The following TMEM213 variants were observed in gnomAD, a reference collection of about 807,000 sequenced individuals.
TMEM213 encodes transmembrane protein 213.
TMEM213 carries 7 observed loss-of-function variants against 11.6 expected under a neutral mutation model. The ratio of observed to expected loss-of-function variants is 0.60; its 90% CI spans 0.34 to 1.13. TMEM213 has a LOEUF of 1.13. Ranked by LOEUF, TMEM213 falls within the 50% of genes most tolerant of loss-of-function variation. TMEM213 has a pLI of 0.03. For missense variants in TMEM213, 129 were observed against 139.0 expected, an observed-to-expected ratio of 0.93 and a Z score of 0.36; for synonymous variants, 60 against 58.3, an observed-to-expected ratio of 1.03 and a Z score of -0.13.
rs1304761365 is a variant in TMEM213, at chr7:138,803,866, G to A, written c.*797G>A. 6.6e-6 allele frequency: 1 copy of A among 152,164 alleles called. No homozygotes were observed. The highest frequency in any genetic ancestry group is 1.5e-5 in the Non-Finnish European group (1 of 68,094). The allele number at this position is 152,164 out of a possible 1,614,324, so 9.4% of individuals were successfully genotyped here. Reference sequence around the variant, plus strand: ...CCAGCACTTTGAGAGACTGAGACAGGAGGATCACTTTAGCCCAGGAATTCG... The same window carrying A: ...CCAGCACTTTGAGAGACTGAGACAGAAGGATCACTTTAGCCCAGGAATTCG... On this transcript the variant is annotated 3_prime_UTR_variant, in exon 3 of 3. Coordinates refer to ENST00000442682, the MANE Select transcript of TMEM213 (RefSeq NM_001085429.2).
intron 1 of TMEM213, among the ~76,000 whole-genome samples, chr7:138,800,706 T>TC (rs762219386): frequency 0.27 from 14,483 of 53,846 alleles, 723 homozygotes; most frequent in Non-Finnish European, 0.28. Flanking sequence ...TTCTTCTTCT[T>TC]TTTTTTTTTT....
In TMEM213 at chr7:138,805,910, C is replaced by A. The variant is rs1275610355; in HGVS notation, c.*2841C>A. 1 of 151,622 alleles carries A rather than the reference C, an allele frequency of 6.6e-6. No homozygotes were observed. Among genetic ancestry groups the A allele is most frequent in the Non-Finnish European group, 1.5e-5 (1 of 67,980 alleles). 9.4% of individuals were successfully genotyped at this position (151,622 alleles called of 1,614,324 possible). ...CTTTAATAAGTGAAGGGTCAGGGCA[C>A]CAGTTGGTGTCTGAGATGCCCTCCA... On this transcript the variant is annotated 3_prime_UTR_variant, in exon 3 of 3. Coordinates refer to ENST00000442682, the MANE Select transcript of TMEM213 (RefSeq NM_001085429.2).
Position 138,803,019 on chromosome 7 carries a change from G to C in TMEM213, c.274G>C (p.Asp92His). The change falls in exon 3 of 3, where the codon GAC (aspartate) becomes CAC (histidine). Residue 92 changes from aspartate (D) to histidine (H), a missense_variant. Transcript: ENST00000442682. Reference sequence around the variant, plus strand: ...CCTCACCCTCATCCTGCTCTGTGTGGACAAACTGATGAAGCTGACTCCAGA... The same window carrying C: ...CCTCACCCTCATCCTGCTCTGTGTGCACAAACTGATGAAGCTGACTCCAGA... Reference protein sequence around the residue: ...WFLTLILLCVDKLMKLTPDEP... With the variant: ...WFLTLILLCVHKLMKLTPDEP... 1 of 1,613,770 alleles carries C rather than the reference G, an allele frequency of 6.2e-7. No individual in the cohort carries two copies. Among genetic ancestry groups the C allele is most frequent in the Non-Finnish European group, 8.5e-7 (1 of 1,179,884 alleles).
At chr7:138,802,855 G>C (rs1584964777) in intron 2 of TMEM213, 45 bp from the exon 3 acceptor site, 2 of 1,516,772 alleles carry the variant, frequency 1.3e-6, no homozygotes, top group Middle Eastern at 1.8e-4. Context: ...GCCTGGGCAG[G>C]GCTGGTGGTG....
At position 138,798,826 on chromosome 7, in the gene TMEM213, G is replaced by A. The variant is rs551486901; in HGVS notation, c.82+640G>A. On this transcript the variant is annotated intron_variant, in intron 1 of 2. Coordinates refer to ENST00000442682, the MANE Select transcript of TMEM213 (RefSeq NM_001085429.2). ...TGCCAGGCCGGGTTCTGCAACTCAC[G>A]GCAGAGGGACCTTGGTTACCATCTT... Among the ~76,000 whole-genome samples, 56 of 152,180 alleles carry A rather than the reference G, an allele frequency of 3.7e-4. 1 individual carries two copies. The South Asian group carries it at 6.9e-3, about 19-fold the overall frequency.
In TMEM213 at chr7:138,803,270, TG is replaced by T. The variant is rs1809006404; in HGVS notation, c.*204del. ...CTTGCATGTCACTCCCAAGGGCCCC[TG>T]GGCTGTGCCCAGGTAACTCCTCTCT... On this transcript the variant is annotated 3_prime_UTR_variant, in exon 3 of 3. Transcript: ENST00000442682. 13 of 612,652 alleles carry T rather than the reference TG, an allele frequency of 2.1e-5. No individual in the cohort carries two copies. In the South Asian group the frequency reaches 2.6e-4, roughly 12 times the overall value. The allele number at this position is 612,652 out of a possible 1,614,324, so 38.0% of individuals were successfully genotyped here. A position where few individuals can be genotyped will look rare whatever the true frequency, so the allele number is the denominator to read the frequency against.
chr7:138,801,831 A>G (rs949782222), intron 2 of TMEM213: 1 of 186,268 alleles, frequency 5.4e-6, no homozygotes, highest in Admixed American at 5.4e-5. Context: ...GGCGCTCAGT[A>G]ATTCATAGAG....
chr7:138,800,702 TTC>T lies in TMEM213; in HGVS notation c.83-623_83-622del, dbSNP rs869058099. ...TTTCTTCTTCTTCTTCTTCTTCTTC[TTC>T]TTTTTTTTTTTTTTTTAGACGGAGT... On this transcript the variant is annotated intron_variant, in intron 1 of 2. Coordinates refer to ENST00000442682, the MANE Select transcript of TMEM213 (RefSeq NM_001085429.2). 8.6e-4 allele frequency among the ~76,000 whole-genome samples: 37 copies of T among 42,958 alleles called. No homozygotes were observed. In the East Asian group the frequency reaches 0.012, roughly 13 times the overall value. 28.2% of individuals were successfully genotyped at this position (42,958 alleles called of 152,430 possible).
At position 138,801,039 on chromosome 7, in the gene TMEM213, GC is replaced by G. The variant is rs1302026355; in HGVS notation, c.83-285del. The stretch of plus-strand genomic sequence containing the variant: ...AAGGACCCCGCCATATTGGATTAGG[GC>G]CCACCCATAGGACCTCATTTAAGCT... On this transcript the variant is annotated intron_variant, in intron 1 of 2. Transcript: ENST00000442682. Among the ~76,000 whole-genome samples the G allele has an allele frequency of 9.2e-5, 14 of 152,082 alleles. No homozygotes were observed. The East Asian group carries it at 1.9e-3, about 21-fold the overall frequency.
chr7:138,806,186 G>A lies in TMEM213; in HGVS notation c.*3117G>A, dbSNP rs1809097464. On this transcript the variant is annotated 3_prime_UTR_variant, in exon 3 of 3. Transcript: ENST00000442682. The stretch of plus-strand genomic sequence containing the variant: ...AACAGAAAATTTTTTGATTACAGCA[G>A]ACCAGATCTTTATCTGTCAATAAGT... The A allele has an allele frequency of 2.0e-5, 3 of 152,054 alleles. No individual in the cohort carries two copies. The highest frequency in any genetic ancestry group is 6.6e-5 in the Admixed American group (1 of 15,266). The allele number at this position is 152,054 out of a possible 1,614,324, so 9.4% of individuals were successfully genotyped here.
At chr7:138,798,419 C>T in intron 1 of TMEM213, 1 of 560,038 alleles carries the variant, frequency 1.8e-6, no homozygotes, top group Non-Finnish European at 3.2e-6. Flanking sequence ...TACTCAATTC[C>T]TCAGCTAAGG....
chr7:138,802,008 A>AC (rs1808962742), intron 2 of TMEM213, among the ~76,000 whole-genome samples: 4 of 152,086 alleles, frequency 2.6e-5, no homozygotes, highest in African/African-American at 9.7e-5. Flanking sequence ...TATTAAAAAT[A>AC]GAAAAAAATT....
rs61044050 is a variant in TMEM213 at position 138,805,395 on chromosome 7, G to GA, written c.*2343dup. ...GGGCAACAAAGTGAGACCCTGTCTG[G>GA]AAAAAAAAAAAAAAAAAGCGTCTGC... On this transcript the variant is annotated 3_prime_UTR_variant, in exon 3 of 3. Coordinates refer to ENST00000442682, the MANE Select transcript of TMEM213 (RefSeq NM_001085429.2). 0.018 allele frequency: 2,038 copies of GA among 115,638 alleles called. 23 individuals are homozygous for GA. Among genetic ancestry groups the GA allele is most frequent in the Non-Finnish European group, 0.022 (1,190 of 53,440 alleles). 7.2% of individuals were successfully genotyped at this position (115,638 alleles called of 1,614,324 possible).
chr7:138,798,309 A>G, intron 1 of TMEM213, 123 bp downstream of exon 1: 2 of 563,116 alleles, frequency 3.6e-6, no homozygotes. Flanking sequence ...TGCGCAAAGG[A>G]AGGAGGAAAC....
At chr7:138,798,760 T>C (rs1808819977) in intron 1 of TMEM213, among the ~76,000 whole-genome samples, 1 of 152,174 alleles carries the variant, frequency 6.6e-6, no homozygotes, top group South Asian at 2.1e-4. Context: ...CCCATTTTCC[T>C]GTGGAGGCTG....
Position 138,803,780 on chromosome 7 carries a change from A to G in TMEM213, c.*711A>G, listed in dbSNP as rs940297146. On this transcript the variant is annotated 3_prime_UTR_variant, in exon 3 of 3. Coordinates refer to ENST00000442682, the MANE Select transcript of TMEM213 (RefSeq NM_001085429.2). ...GCGGCAGAGCAAGACTCTGTATCAGAAAAAAAAAAAAAAAAAAGAATGTGA... is the reference window on the plus strand; with the variant it reads ...GCGGCAGAGCAAGACTCTGTATCAGGAAAAAAAAAAAAAAAAAGAATGTGA... 14 of 23,580 alleles carry G rather than the reference A, an allele frequency of 5.9e-4. No homozygotes were observed. The highest frequency in any genetic ancestry group is 1.8e-3 in the African/African-American group (12 of 6,516). The allele number at this position is 23,580 out of a possible 1,614,324, so 1.5% of individuals were successfully genotyped here. A position where few individuals can be genotyped will look rare whatever the true frequency, so the allele number is the denominator to read the frequency against.
intron 1 of TMEM213, among the ~76,000 whole-genome samples, chr7:138,800,643 G>A (rs1330848721): frequency 6.6e-6 from 1 of 151,396 alleles, no homozygotes; most frequent in East Asian, 1.9e-4. Context: ...GGGTTCTCAC[G>A]TGGACTTTTC....
At chr7:138,798,294 G>A (rs1379693510) in intron 1 of TMEM213, 108 bp downstream of exon 1, 3 of 1,022,258 alleles carry the variant, frequency 2.9e-6, no homozygotes, top group Non-Finnish European at 4.2e-6. Context: ...GGCCAGGGTT[G>A]GTCCTGCGCA....
chr7:138,802,663 C>A (rs950616983), intron 2 of TMEM213, among the ~76,000 whole-genome samples: 3 of 152,038 alleles, frequency 2.0e-5, no homozygotes, highest in African/African-American at 7.2e-5. Context: ...ATCTTGTGAT[C>A]TTGGGCAAAT....
Sources: gnomAD v4.1 joint callset for allele counts (sites outside exome capture counted in the v4.1 genomes callset) on GRCh38, gnomAD v4.1.1 for gene constraint, MANE v1.5 for transcripts, NCBI Gene and HGNC (gene_info 2026-07-23, HGNC 2026-07-21) for gene names.